LUZP2: variants seen among roughly 807,000 people sequenced by gnomAD.
LUZP2 encodes the protein leucine zipper protein 2.
Under a neutral mutation model 51.6 loss-of-function variants are expected in LUZP2, and 52 were observed. That is an observed-to-expected ratio of 1.01 (90% CI 0.81 to 1.27). The LOEUF is 1.27. LUZP2 is among the 50% of genes most tolerant of loss of function. LUZP2 has a pLI of 0.00. For synonymous variants in LUZP2, 154 were observed against 137.3 expected, an observed-to-expected ratio of 1.12 and a Z score of -0.85; for missense variants, 436 against 395.4, an observed-to-expected ratio of 1.10 and a Z score of -0.87.
At chr11:24,691,293 TA>T (rs541450709) in intron 1 of LUZP2, among the ~76,000 whole-genome samples, 2 of 152,068 alleles carry the variant, frequency 1.3e-5, no homozygotes, top group Non-Finnish European at 2.9e-5. Context: ...AGTGTTCCCT[TA>T]AAAAAATTTA....
intron 7 of LUZP2, among the ~76,000 whole-genome samples, chr11:24,934,626 A>G (rs79196510): frequency 0.012 from 1,868 of 152,318 alleles, 48 homozygotes; most frequent in African/African-American, 0.041. Flanking sequence ...GTTGTGACAT[A>G]TTACATAAGA....
intron 7 of LUZP2, among the ~76,000 whole-genome samples, chr11:24,923,551 G>T (rs1854137382): frequency 6.6e-6 from 1 of 152,054 alleles, no homozygotes; most frequent in Non-Finnish European, 1.5e-5. Context: ...ACAAAAATTA[G>T]CTGGGCTTGG....
At chr11:24,752,059 A>C (rs1291041318) in intron 4 of LUZP2, among the ~76,000 whole-genome samples, 1 of 152,166 alleles carries the variant, frequency 6.6e-6, no homozygotes, top group Non-Finnish European at 1.5e-5. Context: ...GGGAACGACA[A>C]AATACTGAGA....
intron 4 of LUZP2, among the ~76,000 whole-genome samples, chr11:24,762,693 A>G (rs1337124848): frequency 6.6e-6 from 1 of 152,146 alleles, no homozygotes; most frequent in Non-Finnish European, 1.5e-5. Flanking sequence ...CGGGCAGGTA[A>G]TGCTATTTTT....
At chr11:24,987,731 G>A (rs1168625589) in intron 9 of LUZP2, among the ~76,000 whole-genome samples, 1 of 151,856 alleles carries the variant, frequency 6.6e-6, no homozygotes, top group Admixed American at 6.6e-5. Context: ...CATTTTTCTT[G>A]GTGCCTGGAA....
intron 1 of LUZP2, among the ~76,000 whole-genome samples, chr11:24,679,004 A>G (rs955765701): frequency 3.3e-5 from 5 of 152,216 alleles, no homozygotes; most frequent in African/African-American, 1.2e-4. Flanking sequence ...TGTGAGAGGT[A>G]TTTTTCATTT....
intron 9 of LUZP2, among the ~76,000 whole-genome samples, chr11:25,017,912 G>A (rs1043323032): frequency 6.6e-6 from 1 of 152,098 alleles, no homozygotes. Flanking sequence ...AATCCATGAG[G>A]ATTGAATGTG....
intron 10 of LUZP2, among the ~76,000 whole-genome samples, chr11:25,068,056 A>G (rs1230352223): frequency 6.6e-6 from 1 of 152,064 alleles, no homozygotes; most frequent in Non-Finnish European, 1.5e-5. Context: ...TCAGCAAACT[A>G]TCACAAGGAC....
intron 1 of LUZP2, among the ~76,000 whole-genome samples, chr11:24,704,848 A>G (rs1012755244): frequency 1.3e-5 from 2 of 152,168 alleles, no homozygotes; most frequent in African/African-American, 4.8e-5. Context: ...GATATGACTT[A>G]TCTATAGTCC....
rs957499485 is a variant in LUZP2 at position 24,592,671 on chromosome 11, T to C, written c.62+95366T>C. ...AGCTTATGTGATCCTACTGATGTAATGGATGTGTGTTGGAGAAAAGAAAAA... is the reference window on the plus strand; with the variant it reads ...AGCTTATGTGATCCTACTGATGTAACGGATGTGTGTTGGAGAAAAGAAAAA... On this transcript the variant is annotated intron_variant, in intron 1 of 11. Coordinates refer to ENST00000336930, the MANE Select transcript of LUZP2 (RefSeq NM_001009909.4). Among the ~76,000 whole-genome samples the C allele has an allele frequency of 2.3e-5, 3 of 128,384 alleles. No individual in the cohort carries two copies. The Admixed American group carries it at 2.8e-4, about 12-fold the overall frequency. The allele number at this position is 128,384 out of a possible 152,430, so 84.2% of individuals were successfully genotyped here. A position where few individuals can be genotyped will look rare whatever the true frequency, so the allele number is the denominator to read the frequency against.
chr11:25,000,848 G>C (rs1053235605), intron 9 of LUZP2, among the ~76,000 whole-genome samples: 1 of 152,084 alleles, frequency 6.6e-6, no homozygotes, highest in Non-Finnish European at 1.5e-5. Flanking sequence ...AGTCTATTTG[G>C]GATTGTAGTT....
At chr11:24,985,792 G>A (rs1485172169) in intron 9 of LUZP2, among the ~76,000 whole-genome samples, 1 of 151,692 alleles carries the variant, frequency 6.6e-6, no homozygotes, top group African/African-American at 2.4e-5. Flanking sequence ...TCCAGTAGAT[G>A]ATTATGTATT....
intron 1 of LUZP2, among the ~76,000 whole-genome samples, chr11:24,707,878 G>A (rs1438711774): frequency 6.6e-6 from 1 of 152,146 alleles, no homozygotes; most frequent in Admixed American, 6.5e-5. Flanking sequence ...GAATAATGAT[G>A]AGTACAAACT....
chr11:24,899,091 A>G (rs1365187678), intron 5 of LUZP2, among the ~76,000 whole-genome samples: 1 of 152,174 alleles, frequency 6.6e-6, no homozygotes, highest in Non-Finnish European at 1.5e-5. Context: ...AAATTTTCAT[A>G]CGTTGGATGA....
intron 7 of LUZP2, among the ~76,000 whole-genome samples, chr11:24,939,627 C>A (rs556389791): frequency 6.6e-6 from 1 of 152,154 alleles, no homozygotes; most frequent in East Asian, 1.9e-4. Flanking sequence ...AATCGTCTAA[C>A]AAAATGGACT....
intron 5 of LUZP2, among the ~76,000 whole-genome samples, chr11:24,870,894 G>T (rs942048299): frequency 5.3e-5 from 8 of 151,814 alleles, no homozygotes; most frequent in African/African-American, 1.7e-4. Context: ...AGAAAAATGA[G>T]GATATAAAAT....
rs1193844003 is a variant in LUZP2, at chr11:24,705,445, T to G, written c.63-23724T>G. Among the ~76,000 whole-genome samples, 3 of 152,190 alleles carry G rather than the reference T, an allele frequency of 2.0e-5. No individual in the cohort carries two copies. In the East Asian group the frequency reaches 5.8e-4, roughly 29 times the overall value. On this transcript the variant is annotated intron_variant, in intron 1 of 11. Coordinates refer to ENST00000336930, the MANE Select transcript of LUZP2 (RefSeq NM_001009909.4). ...TATGAAATTCCGGAACAGTATATAG[T>G]GTTCTAAGATGTGAGAATGGGGGAT...
chr11:24,555,937 C>T (rs891039780), intron 1 of LUZP2, among the ~76,000 whole-genome samples: 9 of 152,128 alleles, frequency 5.9e-5, no homozygotes, highest in Admixed American at 1.3e-4. Flanking sequence ...ATGATCGTGC[C>T]ACTGCACTCC....
chr11:24,567,631 G>C (rs1251623354), intron 1 of LUZP2, among the ~76,000 whole-genome samples: 10 of 151,912 alleles, frequency 6.6e-5, no homozygotes, highest in Admixed American at 6.6e-4. Context: ...AACAGAAGAA[G>C]ACTTCTTATC....
Sources: allele counts gnomAD v4.1 joint callset (sites outside exome capture counted in the v4.1 genomes callset), GRCh38; gene constraint gnomAD v4.1.1; transcripts MANE v1.5; gene names NCBI Gene and HGNC (gene_info 2026-07-23, HGNC 2026-07-21).